UNC5B: variants seen among roughly 807,000 people sequenced by gnomAD.
The protein encoded by UNC5B is netrin receptor UNC5B.
Under a neutral mutation model 103.7 loss-of-function variants are expected in UNC5B, and 56 were observed. That is an observed-to-expected ratio of 0.54 (90% confidence interval 0.44 to 0.67). The LOEUF (loss-of-function observed/expected upper bound fraction) is 0.67. Among genes scored for constraint, UNC5B ranks in the 30% least tolerant of loss-of-function variants. UNC5B has a pLI of 0.00. For missense variants in UNC5B, 1,194 were observed against 1,284.5 expected (o/e 0.93, Z 1.08); for synonymous variants, 577 against 542.0 (o/e 1.06, Z -0.90).
intron 1 of UNC5B, among the ~76,000 whole-genome samples, chr10:71,275,559 G>A (rs977729994): frequency 6.6e-6 from 1 of 152,184 alleles, no homozygotes; most frequent in Non-Finnish European, 1.5e-5. Flanking sequence ...GTTCAGCAGA[G>A]CTCGGAAGAC....
rs777576500 is a variant in UNC5B, at chr10:71,295,949, G to A, written c.2314G>A (p.Ala772Thr). 1 of 1,612,998 alleles carries A rather than the reference G, an allele frequency of 6.2e-7. No individual in the cohort carries two copies. Among genetic ancestry groups the A allele is most frequent in the Non-Finnish European group, 8.5e-7 (1 of 1,180,010 alleles). The change falls in exon 14 of 17, where the codon GCC (alanine) becomes ACC (threonine). Residue 772 changes from alanine to threonine, a missense_variant. Transcript: ENST00000335350. ...PHAHWRSKLLAKYQEIPFYHI... is the reference protein window; with the variant it reads ...PHAHWRSKLLTKYQEIPFYHI... ...TGCCCATTGGAGGAGCAAGCTGCTG[G>A]CCAAATACCAGGTGAGGGCTGGGCT...
chr10:71,287,687 A>C lies in UNC5B; in HGVS notation c.823A>C (p.Asn275His). ...GCAGAAGCGCACCCGGACCTGCACC[A>C]ACCCCGCTCCACTCAACGGAGGGGC... ...GWQKRTRTCT[N>H]PAPLNGGAFC... Residue 275 changes from asparagine (N) to histidine (H), a missense_variant, in exon 6 of 17, where the codon AAC (asparagine) becomes CAC (histidine). Coordinates refer to ENST00000335350, the MANE Select transcript of UNC5B (RefSeq NM_170744.5). 1 of 1,613,140 alleles carries C rather than the reference A, an allele frequency of 6.2e-7. No homozygotes were observed. Among genetic ancestry groups the C allele is most frequent in the Non-Finnish European group, 8.5e-7 (1 of 1,179,550 alleles).
chr10:71,289,047 G>A, intron 8 of UNC5B, 57 bp downstream of exon 8: 2 of 1,613,460 alleles, frequency 1.2e-6, no homozygotes, highest in Admixed American at 1.7e-5. Flanking sequence ...GTTCTCTTTG[G>A]CTGGCTTTTC....
chr10:71,291,216 C>T, intron 9 of UNC5B, 107 bp downstream of exon 9: 2 of 1,430,960 alleles, frequency 1.4e-6, no homozygotes, highest in Non-Finnish European at 1.9e-6. Context: ...CAGGGTTTTT[C>T]CAGAGTTTGC....
chr10:71,227,669 C>CATATACAT (rs1843596015), intron 1 of UNC5B, among the ~76,000 whole-genome samples: 3 of 138,510 alleles, frequency 2.2e-5, no homozygotes, highest in African/African-American at 9.2e-5. Context: ...TATATATACA[C>CATATACAT]ATATATACAT....
intron 1 of UNC5B, among the ~76,000 whole-genome samples, chr10:71,234,413 A>G (rs1427172329): frequency 6.6e-6 from 1 of 152,254 alleles, no homozygotes; most frequent in Admixed American, 6.5e-5. Context: ...ACAGTACCCC[A>G]TCGGAAAACC....
At chr10:71,262,992 T>C (rs1844445625) in intron 1 of UNC5B, among the ~76,000 whole-genome samples, 2 of 151,802 alleles carry the variant, frequency 1.3e-5, no homozygotes, top group Non-Finnish European at 2.9e-5. Flanking sequence ...AGGGCCCTGG[T>C]TTAGGTGGGA....
At chr10:71,222,317 T>TA in intron 1 of UNC5B, among the ~76,000 whole-genome samples, 1 of 32,248 alleles carries the variant, frequency 3.1e-5, no homozygotes, top group African/African-American at 4.7e-5. Flanking sequence ...CAGAGGTCTC[T>TA]TAGTGGAAAG....
chr10:71,283,989 T>C (rs1844997328), intron 2 of UNC5B, among the ~76,000 whole-genome samples: 1 of 152,178 alleles, frequency 6.6e-6, no homozygotes, highest in South Asian at 2.1e-4. Context: ...CCCATCTTGT[T>C]CTCCTGCAGG....
At chr10:71,267,295 G>A (rs780409887) in intron 1 of UNC5B, among the ~76,000 whole-genome samples, 9 of 152,188 alleles carry the variant, frequency 5.9e-5, no homozygotes, top group African/African-American at 1.7e-4. Context: ...CAGCACCAAC[G>A]CATTTCACCT....
At chr10:71,286,575 A>C in intron 4 of UNC5B, 114 bp from the exon 5 acceptor site, 1 of 1,340,244 alleles carries the variant, frequency 7.5e-7, no homozygotes. Flanking sequence ...AGTCCCACCA[A>C]GGCCCTGCCT....
chr10:71,229,294 G>T (rs1843634679), intron 1 of UNC5B, among the ~76,000 whole-genome samples: 1 of 152,218 alleles, frequency 6.6e-6, no homozygotes, highest in Non-Finnish European at 1.5e-5. Flanking sequence ...CAGCTGGTCT[G>T]CTGGAAAAGA....
At chr10:71,276,754 A>G (rs574308756) in intron 1 of UNC5B, among the ~76,000 whole-genome samples, 1 of 152,310 alleles carries the variant, frequency 6.6e-6, no homozygotes, top group African/African-American at 2.4e-5. Context: ...CTGAAGTTGC[A>G]TTCACTGTGC....
chr10:71,225,613 C>T (rs1313223212), intron 1 of UNC5B, among the ~76,000 whole-genome samples: 1 of 152,260 alleles, frequency 6.6e-6, no homozygotes, highest in African/African-American at 2.4e-5. Context: ...TACATAATCC[C>T]TCGGCCGGCT....
chr10:71,255,410 G>T (rs1052953715), intron 1 of UNC5B, among the ~76,000 whole-genome samples: 1 of 152,198 alleles, frequency 6.6e-6, no homozygotes, highest in East Asian at 1.9e-4. Context: ...GGGCCCACAG[G>T]GTGGTAAGAA....
intron 1 of UNC5B, among the ~76,000 whole-genome samples, chr10:71,252,311 G>T (rs1473861086): frequency 6.6e-6 from 1 of 152,200 alleles, no homozygotes; most frequent in Non-Finnish European, 1.5e-5. Flanking sequence ...TCCCTTTTGT[G>T]TCTCTGCATT....
At chr10:71,250,115 C>G (rs150413704) in intron 1 of UNC5B, among the ~76,000 whole-genome samples, 3 of 152,234 alleles carry the variant, frequency 2.0e-5, no homozygotes, top group African/African-American at 7.2e-5. Flanking sequence ...CCATGGCAAA[C>G]CCCGCTGGGC....
chr10:71,263,473 T>A (rs2132283454), intron 1 of UNC5B, among the ~76,000 whole-genome samples: 1 of 152,102 alleles, frequency 6.6e-6, no homozygotes, highest in Middle Eastern at 3.4e-3. Flanking sequence ...GCTCCAGACA[T>A]CCCATCCCCT....
Position 71,295,829 on chromosome 10 carries a change from C to A in UNC5B, c.2194C>A (p.Arg732=). The part of the protein sequence containing the change: ...VALKEVLELE[R]TLGGYLVEEP... Reference sequence around the variant, plus strand: ...CCCACAGGAGGTGCTGGAGCTGGAGCGGACTCTGGGCGGATACTTGGTGGA... The same window carrying A: ...CCCACAGGAGGTGCTGGAGCTGGAGAGGACTCTGGGCGGATACTTGGTGGA... The change falls in exon 14 of 17, where the codon CGG becomes AGG. Residue 732 remains arginine, a synonymous_variant. Transcript: ENST00000335350. The A allele has an allele frequency of 6.2e-7, 1 of 1,612,502 alleles. No homozygotes were observed. The highest frequency in any genetic ancestry group is 1.1e-5 in the South Asian group (1 of 90,990).
Sources: allele counts gnomAD v4.1 joint callset (sites outside exome capture counted in the v4.1 genomes callset), GRCh38; gene constraint gnomAD v4.1.1; transcripts MANE v1.5; gene names NCBI Gene and HGNC (gene_info 2026-07-23, HGNC 2026-07-21).